HIPK2: variants seen among roughly 807,000 people sequenced by gnomAD.
The protein encoded by HIPK2 is homeodomain interacting protein kinase 2, also known as homeodomain-interacting protein kinase 2.
Under a neutral mutation model 113.7 loss-of-function variants are expected in HIPK2, and 27 were observed. The observed-to-expected ratio is 0.24, with a 90% CI of 0.17 to 0.33. The LOEUF (loss-of-function observed/expected upper bound fraction) is 0.33, where lower values mean the gene tolerates loss of function less well. Ranked by LOEUF, HIPK2 falls within the 10% of genes least tolerant of loss-of-function variation. The pLI is 1.00. For synonymous variants in HIPK2, 631 were observed against 642.2 expected, an observed-to-expected ratio of 0.98 and a Z score of 0.26; for missense variants, 1,257 against 1,588.0, an observed-to-expected ratio of 0.79 and a Z score of 3.54.
At position 139,628,941 on chromosome 7, in the gene HIPK2, CATG is replaced by C; in HGVS notation, c.1434+9_1434+11del. Reference sequence around the variant, plus strand: ...AAAGGGCTTACGTTGCATACTCACCCATGAAGCTTACCTGGGCCATATCATCTA... The same window carrying C: ...AAAGGGCTTACGTTGCATACTCACCCAAGCTTACCTGGGCCATATCATCTA... On this transcript the variant is annotated intron_variant, in intron 5 of 14. Transcript: ENST00000406875. 6.3e-7 allele frequency: 1 copy of C among 1,585,390 alleles called. No homozygotes were observed. Among genetic ancestry groups the C allele is most frequent in the Non-Finnish European group, 8.6e-7 (1 of 1,163,606 alleles).
intron 13 of HIPK2, among the ~76,000 whole-genome samples, chr7:139,577,804 C>T (rs1798539896): frequency 6.6e-6 from 1 of 152,042 alleles, no homozygotes; most frequent in Admixed American, 6.6e-5. Context: ...GGCTGTCCTG[C>T]CTCCTTGGGC....
rs1489928800 is a variant in HIPK2 at position 139,701,877 on chromosome 7, G to A, written c.1103+14055C>T. On this transcript the variant is annotated intron_variant, in intron 2 of 14. Coordinates refer to ENST00000406875, the MANE Select transcript of HIPK2 (RefSeq NM_022740.5). ...GAAGGCACCTTATGCCAAAGGCACC[G>A]TGCAGACTGGAACGGACGGTGAGCA... Among the ~76,000 whole-genome samples, 5 of 152,172 alleles carry A rather than the reference G, an allele frequency of 3.3e-5. 1 individual carries two copies. In the Middle Eastern group the frequency reaches 9.5e-3, roughly 289 times the overall value.
At chr7:139,633,869 C>T (rs747927711) in intron 2 of HIPK2, among the ~76,000 whole-genome samples, 1 of 151,772 alleles carries the variant, frequency 6.6e-6, no homozygotes, top group Non-Finnish European at 1.5e-5. Flanking sequence ...CGCTTGAACC[C>T]AGGAGGCAGA....
chr7:139,614,102 A>G (rs1464535290), intron 8 of HIPK2, among the ~76,000 whole-genome samples, 184 bp downstream of exon 8: 4 of 152,176 alleles, frequency 2.6e-5, no homozygotes, highest in Admixed American at 1.3e-4. Context: ...CATAAGCCCT[A>G]TTGTTTCTAG....
At chr7:139,603,035 TG>T (rs1799491639) in intron 10 of HIPK2, among the ~76,000 whole-genome samples, 1 of 151,786 alleles carries the variant, frequency 6.6e-6, no homozygotes, top group South Asian at 2.1e-4. Context: ...AGTGGGACTG[TG>T]GGGAAGGGCC....
chr7:139,673,943 C>T (rs998380019), intron 2 of HIPK2, among the ~76,000 whole-genome samples: 3 of 146,628 alleles, frequency 2.0e-5, no homozygotes, highest in Non-Finnish European at 3.0e-5. Flanking sequence ...CTGCAGACTA[C>T]GCCTGTAGTC....
chr7:139,732,819 A>ATATG (rs563587879), intron 1 of HIPK2, among the ~76,000 whole-genome samples: 5,238 of 144,920 alleles, frequency 0.036, 123 homozygotes, highest in Non-Finnish European at 0.052. Context: ...TTATATATAT[A>ATATG]TGTGTGTGTG....
intron 1 of HIPK2, among the ~76,000 whole-genome samples, chr7:139,731,967 G>A (rs1164473120): frequency 1.3e-5 from 2 of 152,148 alleles, no homozygotes; most frequent in Admixed American, 6.5e-5. Context: ...GGGAAGAGCA[G>A]GAAGAAACGA....
At chr7:139,763,409 T>G (rs1186491313) in intron 1 of HIPK2, among the ~76,000 whole-genome samples, 4 of 150,482 alleles carry the variant, frequency 2.7e-5, no homozygotes, top group Non-Finnish European at 5.9e-5. Flanking sequence ...GGATCCAAAC[T>G]ACAGACTGGA....
At chr7:139,674,353 A>T (rs1453540971) in intron 2 of HIPK2, among the ~76,000 whole-genome samples, 1 of 152,222 alleles carries the variant, frequency 6.6e-6, no homozygotes, top group Non-Finnish European at 1.5e-5. Context: ...TAAAGCAATA[A>T]GAAAAATTAA....
Position 139,572,929 on chromosome 7 carries a change from A to G in HIPK2, c.3595T>C (p.Ter1199GlnextTer36). 3.1e-6 allele frequency: 1 copy of G among 322,774 alleles called. No homozygotes were observed. The highest frequency in any genetic ancestry group is 5.9e-6 in the Non-Finnish European group (1 of 168,974). The allele number at this position is 322,774 out of a possible 1,614,324, so 20.0% of individuals were successfully genotyped here. A position where few individuals can be genotyped will look rare whatever the true frequency, so the allele number is the denominator to read the frequency against. Residue 1199 changes from the stop codon to glutamine (Q), a stop_lost, in exon 15 of 15, where the codon TAA becomes CAA. Transcript: ENST00000406875. Reference protein sequence around the residue: ...PAKVNQYPYI* With the variant: ...PAKVNQYPYIQ ...CCTCCCTCCCTCCCCTCCAGTGTTT[A>G]TATGTAAGGGTACTGGTTGACCTTG... is the stretch of plus-strand genomic sequence containing the variant.
At chr7:139,650,359 A>G (rs1801413102) in intron 2 of HIPK2, among the ~76,000 whole-genome samples, 2 of 152,058 alleles carry the variant, frequency 1.3e-5, no homozygotes, top group African/African-American at 4.8e-5. Context: ...CAAAAAAAAA[A>G]AAAAAAAAAA....
chr7:139,610,233 T>C (rs1374730076), intron 9 of HIPK2, among the ~76,000 whole-genome samples: 2 of 152,228 alleles, frequency 1.3e-5, no homozygotes, highest in African/African-American at 4.8e-5. Context: ...ATTATTTCTT[T>C]CAGAGATGGC....
chr7:139,676,527 C>G (rs1445038542), intron 2 of HIPK2, among the ~76,000 whole-genome samples: 1 of 152,192 alleles, frequency 6.6e-6, no homozygotes, highest in Non-Finnish European at 1.5e-5. Context: ...CTCCCAGATA[C>G]TGGGTATACA....
At chr7:139,617,789 C>CT (rs1800108279) in intron 7 of HIPK2, among the ~76,000 whole-genome samples, 1 of 152,200 alleles carries the variant, frequency 6.6e-6, no homozygotes, top group South Asian at 2.1e-4. Context: ...GCAAGAGATT[C>CT]TTTAAGTAGT....
rs1798071226 is a variant in HIPK2 at position 139,565,735 on chromosome 7, T to TTTC, written c.*7191_*7192insGAA. 6.6e-6 allele frequency: 1 copy of TTTC among 151,640 alleles called. No individual in the cohort carries two copies. The highest frequency in any genetic ancestry group is 2.4e-5 in the African/African-American group (1 of 41,320). The allele number at this position is 151,640 out of a possible 1,614,324, so 9.4% of individuals were successfully genotyped here. A position where few individuals can be genotyped will look rare whatever the true frequency, so the allele number is the denominator to read the frequency against. The stretch of plus-strand genomic sequence containing the variant: ...TTTTTTCTTTTTTTTTTCTTTTTTT[T>TTTC]AACAGAAAGAAAAAAGTTCCTGGAC... On this transcript the variant is annotated 3_prime_UTR_variant, in exon 15 of 15. Transcript: ENST00000406875.
Position 139,570,048 on chromosome 7 carries a change from T to C in HIPK2, c.*2879A>G, listed in dbSNP as rs185594355. 6.6e-6 allele frequency: 1 copy of C among 152,322 alleles called. No individual in the cohort carries two copies. Among genetic ancestry groups the C allele is most frequent in the African/African-American group, 2.4e-5 (1 of 41,568 alleles). 9.4% of individuals were successfully genotyped at this position (152,322 alleles called of 1,614,324 possible). A position where few individuals can be genotyped will look rare whatever the true frequency, so the allele number is the denominator to read the frequency against. ...CCAACTTAAGCAGACAGAATAATTTTCTTTAAAATGAAAAGAACATTTTAA... is the reference window on the plus strand; with the variant it reads ...CCAACTTAAGCAGACAGAATAATTTCCTTTAAAATGAAAAGAACATTTTAA... On this transcript the variant is annotated 3_prime_UTR_variant, in exon 15 of 15. Transcript: ENST00000406875.
intron 2 of HIPK2, among the ~76,000 whole-genome samples, chr7:139,650,463 CG>C (rs1482440045): frequency 2.7e-5 from 4 of 148,758 alleles, no homozygotes; most frequent in Admixed American, 2.0e-4. Context: ...TTATTCCCTT[CG>C]GGTTTTTTTT....
At chr7:139,678,511 C>T (rs1412298879) in intron 2 of HIPK2, among the ~76,000 whole-genome samples, 4 of 152,122 alleles carry the variant, frequency 2.6e-5, no homozygotes, top group East Asian at 3.9e-4. Context: ...TTTCTGAGGC[C>T]TCTGTTTTGT....
Sources: allele counts gnomAD v4.1 joint callset (sites outside exome capture counted in the v4.1 genomes callset), GRCh38; gene constraint gnomAD v4.1.1; transcripts MANE v1.5; gene names NCBI Gene and HGNC (gene_info 2026-07-23, HGNC 2026-07-21).